Variants in RIGI observed in about 807,000 individuals in gnomAD.
The protein encoded by RIGI is RNA sensor RIG-I.
At chr9:32,472,905 A>G in the RIGI span, 1 of 955,754 alleles carries the variant, frequency 1.0e-6, no homozygotes, top group Admixed American at 2.5e-5. Context: ...ACACACACAC[A>G]TATACATACA....
the RIGI span, among the ~76,000 whole-genome samples, chr9:32,521,023 TA>T: frequency 6.6e-6 from 1 of 150,898 alleles, no homozygotes; most frequent in Admixed American, 6.6e-5. Flanking sequence ...GCATGGCCTG[TA>T]ATCCCAGCTA....
chr9:32,515,985 A>G, the RIGI span, among the ~76,000 whole-genome samples: 3 of 152,162 alleles, frequency 2.0e-5, no homozygotes, highest in African/African-American at 7.2e-5. Flanking sequence ...ACACTCCAAA[A>G]AGCAATCTTG....
At chr9:32,479,792 G>A in the RIGI span, among the ~76,000 whole-genome samples, 9 of 148,898 alleles carry the variant, frequency 6.0e-5, no homozygotes, top group Non-Finnish European at 1.2e-4. Flanking sequence ...AGCCATGATT[G>A]AGCCACTGCA....
At chr9:32,491,199 A>G in the RIGI span, 1 of 1,380,430 alleles carries the variant, frequency 7.2e-7, no homozygotes, top group South Asian at 1.4e-5. Flanking sequence ...TTTTCCTTAC[A>G]AAACTTTTCA....
chr9:32,490,779 G>A, the RIGI span, among the ~76,000 whole-genome samples: 3 of 152,158 alleles, frequency 2.0e-5, no homozygotes, highest in Non-Finnish European at 4.4e-5. Context: ...AATGACAAAA[G>A]GGAGCTCCTC....
At chr9:32,457,877 A>G in the RIGI span, among the ~76,000 whole-genome samples, 1 of 152,230 alleles carries the variant, frequency 6.6e-6, no homozygotes, top group South Asian at 2.1e-4. Context: ...CCTAGAGTCA[A>G]CTTTAGAGTA....
chr9:32,468,982 C>A, the RIGI span, among the ~76,000 whole-genome samples: 1 of 152,196 alleles, frequency 6.6e-6, no homozygotes, highest in African/African-American at 2.4e-5. Flanking sequence ...AGACAGAGGT[C>A]ATGTGTGTCT....
chr9:32,462,590 G>C, the RIGI span, among the ~76,000 whole-genome samples: 1 of 151,750 alleles, frequency 6.6e-6, no homozygotes, highest in African/African-American at 2.4e-5. Flanking sequence ...TGTATTTTTA[G>C]TAGAGATGGG....
the RIGI span, among the ~76,000 whole-genome samples, chr9:32,502,277 T>C: frequency 6.6e-6 from 1 of 152,256 alleles, no homozygotes; most frequent in South Asian, 2.1e-4. Context: ...TTGATTTGTG[T>C]CCACATTTTG....
chr9:32,500,394 C>A, the RIGI span, among the ~76,000 whole-genome samples: 1 of 152,146 alleles, frequency 6.6e-6, no homozygotes, highest in African/African-American at 2.4e-5. Context: ...TCTTTAATAT[C>A]TTTTAATAAC....
At chr9:32,472,535 C>T in the RIGI span, among the ~76,000 whole-genome samples, 3 of 152,214 alleles carry the variant, frequency 2.0e-5, no homozygotes, top group African/African-American at 7.2e-5. Context: ...AAAGAGAGTT[C>T]ACTCCAGGTG....
chr9:32,480,345 CATT>C, the RIGI span: 1 of 1,586,636 alleles, frequency 6.3e-7, no homozygotes, highest in Non-Finnish European at 8.6e-7. Context: ...ATGAGGGCAT[CATT>C]ATATTTCTGT....
At chr9:32,505,538 T>C in the RIGI span, among the ~76,000 whole-genome samples, 23 of 152,356 alleles carry the variant, frequency 1.5e-4, no homozygotes, top group Admixed American at 4.6e-4. Context: ...AGGGACTTCA[T>C]AGTTTTCTTC....
At chr9:32,511,943 C>T in the RIGI span, among the ~76,000 whole-genome samples, 1 of 152,142 alleles carries the variant, frequency 6.6e-6, no homozygotes, top group Non-Finnish European at 1.5e-5. Flanking sequence ...TCACAGAATA[C>T]TATAAACACC....
the RIGI span, among the ~76,000 whole-genome samples, chr9:32,460,878 T>G: frequency 6.6e-6 from 1 of 152,138 alleles, no homozygotes; most frequent in Non-Finnish European, 1.5e-5. Flanking sequence ...TTAAAAAGTA[T>G]TCACAGAAAT....
chr9:32,508,367 C>A, the RIGI span, among the ~76,000 whole-genome samples: 1 of 149,818 alleles, frequency 6.7e-6, no homozygotes, highest in Non-Finnish European at 1.5e-5. Flanking sequence ...ACACAGAAGG[C>A]GGGTGATTTC....
the RIGI span, among the ~76,000 whole-genome samples, chr9:32,504,107 G>A: frequency 6.8e-6 from 1 of 148,118 alleles, no homozygotes; most frequent in East Asian, 2.0e-4. Flanking sequence ...ACCTGTGAGT[G>A]AGAAAAGTGC....
the RIGI span, among the ~76,000 whole-genome samples, chr9:32,476,508 G>C: frequency 0.029 from 4,431 of 151,814 alleles, 234 homozygotes; most frequent in African/African-American, 0.1. Context: ...CCGTCTCTAA[G>C]TGGGGGAAAA....
chr9:32,506,941 AAT>A, the RIGI span, among the ~76,000 whole-genome samples: 2 of 152,224 alleles, frequency 1.3e-5, no homozygotes, highest in African/African-American at 4.8e-5. Flanking sequence ...TAAAATATAT[AAT>A]ATGTTGGCTG....
Sources: gnomAD v4.1 joint callset for allele counts (sites outside exome capture counted in the v4.1 genomes callset) on GRCh38, gnomAD v4.1.1 for gene constraint, MANE v1.5 for transcripts, NCBI Gene and HGNC (gene_info 2026-07-23, HGNC 2026-07-21) for gene names.